DSCAML1: variants seen among roughly 807,000 people sequenced by gnomAD.
DSCAML1 encodes cell adhesion molecule DSCAML1.
A neutral mutation model predicts 200.5 loss-of-function variants in DSCAML1; 38 were observed. The ratio of observed to expected loss-of-function variants is 0.19; its 90% CI spans 0.15 to 0.25. The LOEUF is 0.25. Ranked by LOEUF, DSCAML1 falls within the 10% of genes least tolerant of loss-of-function variation. The pLI is 1.00. For synonymous variants in DSCAML1, 1,215 were observed against 1,165.0 expected, an observed-to-expected ratio of 1.04 and a Z score of -0.87; for missense variants, 2,223 against 2,858.8, an observed-to-expected ratio of 0.78 and a Z score of 5.07.
Position 117,549,291 on chromosome 11 carries a change from C to T in DSCAML1, c.512-16769G>A, listed in dbSNP as rs147200780. 2.6e-5 allele frequency among the ~76,000 whole-genome samples: 4 copies of T among 152,360 alleles called. No homozygotes were observed. In the East Asian group the frequency reaches 7.7e-4, roughly 29 times the overall value. ...TCCTTAGCACAGCCCTAGCCTGGCA[C>T]TTGGTAAAGGCCCGGCGCATGTTGG... On this transcript the variant is annotated intron_variant, in intron 3 of 32. Transcript: ENST00000651296.
chr11:117,484,894 T>A (rs1413571271), intron 11 of DSCAML1, among the ~76,000 whole-genome samples: 1 of 43,980 alleles, frequency 2.3e-5, no homozygotes, highest in Non-Finnish European at 4.0e-5. Context: ...ACAGTGTGTG[T>A]GTGTGTGTGT....
rs189309827 is a variant in DSCAML1 at position 117,657,932 on chromosome 11, C to A, written c.511+118859G>T. ...AAGGAGGGATTGACTCTGGTGCATACGCTGGCCCAGCACAATGAGCACAGA... is the reference window on the plus strand; with the variant it reads ...AAGGAGGGATTGACTCTGGTGCATAAGCTGGCCCAGCACAATGAGCACAGA... On this transcript the variant is annotated intron_variant, in intron 3 of 32. Coordinates refer to ENST00000651296, the MANE Select transcript of DSCAML1 (RefSeq NM_020693.4). Among the ~76,000 whole-genome samples, 81 of 152,148 alleles carry A rather than the reference C, an allele frequency of 5.3e-4. 1 individual carries two copies. The highest frequency in any genetic ancestry group is 4.9e-3 in the Admixed American group (75 of 15,274).
At chr11:117,575,873 AAAACAAAAC>A (rs138981288) in intron 3 of DSCAML1, among the ~76,000 whole-genome samples, 2,146 of 141,128 alleles carry the variant, frequency 0.015, 20 homozygotes, top group Middle Eastern at 0.029. Context: ...AAAACAAAAC[AAAACAAAAC>A]AAACAAAAAA....
chr11:117,519,448 G>A (rs912485190), intron 6 of DSCAML1, among the ~76,000 whole-genome samples: 1 of 152,210 alleles, frequency 6.6e-6, no homozygotes, highest in Non-Finnish European at 1.5e-5. Context: ...TCCTCACGTG[G>A]AACACGGGGA....
chr11:117,747,657 G>A (rs2054539883), intron 3 of DSCAML1, among the ~76,000 whole-genome samples: 1 of 152,222 alleles, frequency 6.6e-6, no homozygotes, highest in African/African-American at 2.4e-5. Flanking sequence ...GGAGGAAGGG[G>A]CTACCTGAGT....
At chr11:117,649,968 G>C (rs2052595536) in intron 3 of DSCAML1, among the ~76,000 whole-genome samples, 1 of 152,150 alleles carries the variant, frequency 6.6e-6, no homozygotes, top group Admixed American at 6.5e-5. Context: ...CCCCTTGCTT[G>C]GCTCAACCTG....
Position 117,730,216 on chromosome 11 carries a change from G to A in DSCAML1, c.511+46575C>T, listed in dbSNP as rs79974357. On this transcript the variant is annotated intron_variant, in intron 3 of 32. Coordinates refer to ENST00000651296, the MANE Select transcript of DSCAML1 (RefSeq NM_020693.4). The stretch of plus-strand genomic sequence containing the variant: ...CCATCTAAAAAAAAAGAGGGAGGCA[G>A]TGGAATCCGGAATCAAAATCGAGAA... Among the ~76,000 whole-genome samples, 1,242 of 152,186 alleles carry A rather than the reference G, an allele frequency of 8.2e-3. 14 individuals are homozygous for A. The highest frequency in any genetic ancestry group is 0.027 in the South Asian group (131 of 4,818).
intron 32 of DSCAML1, among the ~76,000 whole-genome samples, chr11:117,430,047 G>C (rs1409102735): frequency 6.6e-6 from 1 of 152,206 alleles, no homozygotes; most frequent in Non-Finnish European, 1.5e-5. Flanking sequence ...CCAGTGCTAA[G>C]CAGACCAGAC....
intron 3 of DSCAML1, among the ~76,000 whole-genome samples, chr11:117,617,373 A>G (rs1010604495): frequency 1.3e-5 from 2 of 152,174 alleles, no homozygotes; most frequent in African/African-American, 4.8e-5. Flanking sequence ...CCCGCTCAGT[A>G]TGCATGTTGT....
chr11:117,699,001 C>T (rs1207863681), intron 3 of DSCAML1, among the ~76,000 whole-genome samples: 4 of 152,202 alleles, frequency 2.6e-5, no homozygotes, highest in East Asian at 3.8e-4. Flanking sequence ...TAATATTACC[C>T]GGAAGAGGTA....
At chr11:117,705,729 G>A (rs748187198) in intron 3 of DSCAML1, among the ~76,000 whole-genome samples, 3 of 152,128 alleles carry the variant, frequency 2.0e-5, no homozygotes, top group African/African-American at 4.8e-5. Context: ...ACCTCCCAGA[G>A]CCTCATAATG....
Position 117,687,426 on chromosome 11 carries a change from A to ATTTTTTTTTTTTT in DSCAML1, c.511+89352_511+89364dup, listed in dbSNP as rs71037492. Among the ~76,000 whole-genome samples the ATTTTTTTTTTTTT allele has an allele frequency of 8.8e-4, 86 of 97,644 alleles. 1 individual carries two copies. Among genetic ancestry groups the ATTTTTTTTTTTTT allele is most frequent in the African/African-American group, 1.9e-3 (46 of 24,306 alleles). The allele number at this position is 97,644 out of a possible 152,430, so 64.1% of individuals were successfully genotyped here. On this transcript the variant is annotated intron_variant, in intron 3 of 32. Transcript: ENST00000651296. ...CAGGTGTGCTCCACCATGCCTGGCTATTTTTTTTTTTTTTTTTTTTTTAGA... is the reference window on the plus strand; with the variant it reads ...CAGGTGTGCTCCACCATGCCTGGCTATTTTTTTTTTTTTTTTTTTTTTTTTTTTTTTTTTTAGA...
chr11:117,701,679 A>G (rs2053669994), intron 3 of DSCAML1, among the ~76,000 whole-genome samples: 1 of 152,114 alleles, frequency 6.6e-6, no homozygotes, highest in Non-Finnish European at 1.5e-5. Flanking sequence ...TTCAAACAAA[A>G]ATGCCGTGTC....
At chr11:117,593,174 C>T (rs2051292731) in intron 3 of DSCAML1, among the ~76,000 whole-genome samples, 1 of 152,236 alleles carries the variant, frequency 6.6e-6, no homozygotes, top group South Asian at 2.1e-4. Context: ...CGTGTCCTGC[C>T]CTCGGCGGTG....
At chr11:117,474,785 C>T (rs929770640) in intron 14 of DSCAML1, among the ~76,000 whole-genome samples, 156 of 148,400 alleles carry the variant, frequency 1.1e-3, no homozygotes, top group African/African-American at 3.5e-3. Flanking sequence ...GATGGAGTCT[C>T]GCTCTGTCGC....
chr11:117,581,699 A>G (rs1181263172), intron 3 of DSCAML1, among the ~76,000 whole-genome samples: 1 of 152,160 alleles, frequency 6.6e-6, no homozygotes, highest in African/African-American at 2.4e-5. Flanking sequence ...GTCAGGGACT[A>G]TTATTATCCC....
At chr11:117,675,777 G>A (rs921310448) in intron 3 of DSCAML1, among the ~76,000 whole-genome samples, 18 of 152,100 alleles carry the variant, frequency 1.2e-4, no homozygotes, top group Non-Finnish European at 1.3e-4. Context: ...ATTGACACCT[G>A]CTCTCATCCC....
chr11:117,636,192 G>A (rs928083551), intron 3 of DSCAML1, among the ~76,000 whole-genome samples: 3 of 152,144 alleles, frequency 2.0e-5, no homozygotes, highest in African/African-American at 2.4e-5. Flanking sequence ...AGGAAAAACC[G>A]AGCCTTTCAT....
At chr11:117,538,542 C>T (rs2050208516) in intron 3 of DSCAML1, among the ~76,000 whole-genome samples, 1 of 152,202 alleles carries the variant, frequency 6.6e-6, no homozygotes, top group South Asian at 2.1e-4. Context: ...GAAGAAGCCT[C>T]CTTGGCAATT....
Sources: gnomAD v4.1 joint callset for allele counts (sites outside exome capture counted in the v4.1 genomes callset) on GRCh38, gnomAD v4.1.1 for gene constraint, MANE v1.5 for transcripts, NCBI Gene and HGNC (gene_info 2026-07-23, HGNC 2026-07-21) for gene names.